The following PTK2 variants were observed in gnomAD, a reference collection of about 807,000 sequenced individuals.
PTK2 encodes protein tyrosine kinase 2, also known as focal adhesion kinase 1.
PTK2 carries 45 observed loss-of-function variants against 150.1 expected under a neutral mutation model. The observed-to-expected ratio is 0.30, with a 90% confidence interval of 0.24 to 0.38. The LOEUF (loss-of-function observed/expected upper bound fraction) is 0.38. Ranked by LOEUF, PTK2 falls within the 10% of genes least tolerant of loss-of-function variation. The pLI, the probability that PTK2 is intolerant of heterozygous loss-of-function variation, is 1.00. For missense variants in PTK2, 919 were observed against 1,307.3 expected (o/e 0.70, Z 4.58); for synonymous variants, 432 against 449.2 (o/e 0.96, Z 0.48).
At chr8:140,880,826 G>A (rs1326846221) in intron 3 of PTK2, among the ~76,000 whole-genome samples, 1 of 152,152 alleles carries the variant, frequency 6.6e-6, no homozygotes, top group African/African-American at 2.4e-5. Flanking sequence ...GCACACTGAG[G>A]ATGTGTGCTG....
At chr8:140,942,631 T>C (rs796654320) in intron 1 of PTK2, among the ~76,000 whole-genome samples, 8 of 152,118 alleles carry the variant, frequency 5.3e-5, no homozygotes, top group South Asian at 2.1e-4. Context: ...TGCGTGCGTG[T>C]GTGTGTGTGT....
At chr8:140,843,409 A>C (rs2100123447) in intron 7 of PTK2, among the ~76,000 whole-genome samples, 1 of 152,130 alleles carries the variant, frequency 6.6e-6, no homozygotes, top group Non-Finnish European at 1.5e-5. Context: ...TGGTTCTCAC[A>C]TAGACTCTAT....
rs2100165521 is a variant in PTK2 at position 140,917,023 on chromosome 8, A to C, written c.-33+8638T>G. On this transcript the variant is annotated intron_variant, in intron 2 of 31. Coordinates refer to ENST00000522684, the Ensembl canonical transcript of PTK2. ...CACAGCATGGCATGTAGTATTTCTGAATAAATTTTAGCTATTACTATAAGA... is the reference window on the plus strand; with the variant it reads ...CACAGCATGGCATGTAGTATTTCTGCATAAATTTTAGCTATTACTATAAGA... Among the ~76,000 whole-genome samples, 4 of 152,212 alleles carry C rather than the reference A, an allele frequency of 2.6e-5. No individual in the cohort carries two copies. In the South Asian group the frequency reaches 8.3e-4, roughly 31 times the overall value.
chr8:140,889,474 C>A (rs1309697847), intron 3 of PTK2, among the ~76,000 whole-genome samples: 1 of 152,038 alleles, frequency 6.6e-6, no homozygotes, highest in Non-Finnish European at 1.5e-5. Flanking sequence ...AGTGACCTGC[C>A]CACCTTGGCC....
chr8:140,746,391 C>T (rs555922299), intron 18 of PTK2: 1 of 167,612 alleles, frequency 6.0e-6, no homozygotes, highest in Non-Finnish European at 1.3e-5. Context: ...TTTAGACTTA[C>T]CTAAATTTAG....
chr8:140,914,926 G>A (rs1000222559), intron 2 of PTK2, among the ~76,000 whole-genome samples: 3 of 151,398 alleles, frequency 2.0e-5, no homozygotes, highest in African/African-American at 4.9e-5. Context: ...CCAGCTACTC[G>A]GGAGGCTGAG....
At chr8:140,888,868 A>T (rs1274547712) in intron 3 of PTK2, among the ~76,000 whole-genome samples, 3 of 152,134 alleles carry the variant, frequency 2.0e-5, no homozygotes, top group Non-Finnish European at 1.5e-5. Flanking sequence ...TTTATTGGAG[A>T]GTTTCCTCAT....
At chr8:140,747,445 G>C (rs1434669854) in intron 17 of PTK2, among the ~76,000 whole-genome samples, 1 of 60,316 alleles carries the variant, frequency 1.7e-5, no homozygotes, top group South Asian at 7.0e-4. Context: ...AGAAGAAAGG[G>C]GGGGGGAAGA....
chr8:140,828,931 GTT>G (rs2100113594), intron 8 of PTK2, among the ~76,000 whole-genome samples: 1 of 152,084 alleles, frequency 6.6e-6, no homozygotes, highest in Admixed American at 6.5e-5. Context: ...AAAACTCTTT[GTT>G]CTCTTTCAAA....
chr8:140,803,003 A>ATTTT (rs1596239214), intron 11 of PTK2, among the ~76,000 whole-genome samples: 2 of 117,262 alleles, frequency 1.7e-5, no homozygotes, highest in African/African-American at 3.5e-5. Context: ...CTTGATGACA[A>ATTTT]TCTTTTTTTT....
chr8:140,705,241 T>C (rs952297504), intron 24 of PTK2, among the ~76,000 whole-genome samples: 3 of 152,190 alleles, frequency 2.0e-5, no homozygotes, highest in Admixed American at 1.3e-4. Flanking sequence ...TTTTTGCCCA[T>C]TTTGACCCAA....
intron 30 of PTK2, among the ~76,000 whole-genome samples, chr8:140,666,780 G>T (rs1430960995): frequency 6.6e-6 from 1 of 152,212 alleles, no homozygotes; most frequent in Non-Finnish European, 1.5e-5. Flanking sequence ...ACACTCAAAA[G>T]AAGTGAAAGC....
intron 15 of PTK2, 157 bp downstream of exon 17, chr8:140,764,077 A>T: frequency 1.4e-6 from 1 of 725,152 alleles, no homozygotes; most frequent in Admixed American, 2.1e-5. Context: ...GGCATATGTA[A>T]GTAATATAGA....
intron 5 of PTK2, among the ~76,000 whole-genome samples, chr8:140,857,782 AT>A (rs2100133621): frequency 6.6e-6 from 1 of 152,204 alleles, no homozygotes; most frequent in African/African-American, 2.4e-5. Flanking sequence ...AAGGGTCTCC[AT>A]TTGGTAGTAA....
At chr8:140,790,268 G>T (rs1279673894) in intron 13 of PTK2, among the ~76,000 whole-genome samples, 1 of 152,106 alleles carries the variant, frequency 6.6e-6, no homozygotes, top group Non-Finnish European at 1.5e-5. Context: ...AACAGTATAG[G>T]TTGAATATCT....
At chr8:140,965,995 G>C (rs2100185122) in intron 1 of PTK2, among the ~76,000 whole-genome samples, 2 of 152,158 alleles carry the variant, frequency 1.3e-5, no homozygotes, top group Non-Finnish European at 2.9e-5. Flanking sequence ...GGTCAGAAAA[G>C]CTCCAGTTGG....
chr8:140,794,647 A>G (rs9886613), intron 12 of PTK2, among the ~76,000 whole-genome samples: 3,696 of 152,056 alleles, frequency 0.024, 157 homozygotes, highest in African/African-American at 0.086. Context: ...ACCTTGTACT[A>G]TATTCTCTTG....
intron 7 of PTK2, among the ~76,000 whole-genome samples, chr8:140,841,972 T>C (rs2100122622): frequency 6.6e-6 from 1 of 152,074 alleles, no homozygotes; most frequent in Admixed American, 6.5e-5. Flanking sequence ...TATGTAGCAT[T>C]ATATACTCAT....
chr8:140,811,288 G>A (rs1443754698), intron 10 of PTK2, among the ~76,000 whole-genome samples: 1 of 152,192 alleles, frequency 6.6e-6, no homozygotes, highest in Non-Finnish European at 1.5e-5. Flanking sequence ...CACAGTCCAG[G>A]AGTTGGGGGC....
Sources: allele counts gnomAD v4.1 joint callset (sites outside exome capture counted in the v4.1 genomes callset), GRCh38; gene constraint gnomAD v4.1.1; transcripts MANE v1.5; gene names NCBI Gene and HGNC (gene_info 2026-07-23, HGNC 2026-07-21).